The following SUCLG2 variants were observed in gnomAD, a reference collection of about 807,000 sequenced individuals.
The protein encoded by SUCLG2 is succinate-CoA ligase GDP-forming subunit beta, also known as succinate--CoA ligase [GDP-forming] subunit beta, mitochondrial.
In SUCLG2, 42 loss-of-function variants were observed where a neutral mutation model predicts 47.9. The ratio of observed to expected loss-of-function variants is 0.88; its 90% CI spans 0.69 to 1.14. The LOEUF is 1.14. Ranked by LOEUF, SUCLG2 falls within the 50% of genes most tolerant of loss-of-function variation. SUCLG2 has a pLI of 0.00. For missense variants in SUCLG2, 571 were observed against 525.9 expected (o/e 1.09, Z -0.84); for synonymous variants, 195 against 197.3 (o/e 0.99, Z 0.10).
intron 1 of SUCLG2, among the ~76,000 whole-genome samples, chr3:67,618,590 G>A (rs966777344): frequency 2.6e-5 from 4 of 151,958 alleles, no homozygotes; most frequent in Non-Finnish European, 2.9e-5. Context: ...AGGTCCCCCT[G>A]CCTAAAAAAA....
intron 2 of SUCLG2, among the ~76,000 whole-genome samples, chr3:67,598,464 C>T (rs1708343307): frequency 6.6e-6 from 1 of 152,028 alleles, no homozygotes; most frequent in South Asian, 2.1e-4. Flanking sequence ...CAAGTCTGTC[C>T]CAGGCAAACC....
At chr3:67,362,500 G>A (rs1357056188) in intron 10 of SUCLG2, among the ~76,000 whole-genome samples, 1 of 152,138 alleles carries the variant, frequency 6.6e-6, no homozygotes, top group Non-Finnish European at 1.5e-5. Context: ...CTCTGTTAAT[G>A]AATGATAATC....
At chr3:67,389,618 A>C (rs142253650) in intron 10 of SUCLG2, among the ~76,000 whole-genome samples, 406 of 152,284 alleles carry the variant, frequency 2.7e-3, no homozygotes, top group African/African-American at 9.2e-3. Context: ...CTCTATGTCA[A>C]AACATAAATT....
intron 9 of SUCLG2, among the ~76,000 whole-genome samples, chr3:67,475,093 T>C (rs893781104): frequency 2.0e-5 from 3 of 152,104 alleles, no homozygotes; most frequent in African/African-American, 7.2e-5. Flanking sequence ...TTTGTATTAG[T>C]GTCACATAAG....
At chr3:67,370,105 C>A (rs1701933058), downstream of SUCLG2, among the ~76,000 whole-genome samples, 3 of 152,012 alleles carry the variant, frequency 2.0e-5, no homozygotes, top group Admixed American at 1.3e-4. Context: ...AATTCACACG[C>A]AATATTCTGA....
At chr3:67,369,892 C>T (rs1013439879), downstream of SUCLG2, among the ~76,000 whole-genome samples, 5 of 152,190 alleles carry the variant, frequency 3.3e-5, no homozygotes, top group East Asian at 3.9e-4. Context: ...TTAATCTGTA[C>T]TAAAAAACTG....
At chr3:67,573,825 C>A (rs1376187931) in intron 2 of SUCLG2, among the ~76,000 whole-genome samples, 1 of 151,992 alleles carries the variant, frequency 6.6e-6, no homozygotes, top group Admixed American at 6.5e-5. Flanking sequence ...ACTCACCATT[C>A]AAATTGTCTG....
intron 10 of SUCLG2, among the ~76,000 whole-genome samples, chr3:67,364,584 T>C (rs1701851541): frequency 6.6e-6 from 1 of 151,850 alleles, no homozygotes; most frequent in South Asian, 2.1e-4. Context: ...CACCCAGGAG[T>C]GATAAGGAGC....
At chr3:67,440,523 A>C (rs1384947079) in intron 9 of SUCLG2, among the ~76,000 whole-genome samples, 1 of 152,230 alleles carries the variant, frequency 6.6e-6, no homozygotes, top group Non-Finnish European at 1.5e-5. Context: ...AAAGAACTTA[A>C]ATTTACAGGA....
At chr3:67,604,583 C>T (rs1459299402) in intron 2 of SUCLG2, among the ~76,000 whole-genome samples, 1 of 152,096 alleles carries the variant, frequency 6.6e-6, no homozygotes, top group Non-Finnish European at 1.5e-5. Context: ...TGGCGACCAA[C>T]TGAATATAGT....
At chr3:67,482,814 G>T (rs993328090) in intron 9 of SUCLG2, among the ~76,000 whole-genome samples, 4 of 152,174 alleles carry the variant, frequency 2.6e-5, no homozygotes, top group African/African-American at 9.7e-5. Context: ...GTGAAACCTA[G>T]AAGGTCAAGG....
At chr3:67,605,797 T>C (rs1036777748) in intron 2 of SUCLG2, among the ~76,000 whole-genome samples, 3 of 152,168 alleles carry the variant, frequency 2.0e-5, no homozygotes, top group Admixed American at 1.3e-4. Flanking sequence ...CTTGAGAGCA[T>C]ACCTGAAGAA....
At chr3:67,461,751 C>T (rs1165336998) in intron 9 of SUCLG2, among the ~76,000 whole-genome samples, 2 of 152,042 alleles carry the variant, frequency 1.3e-5, no homozygotes, top group Non-Finnish European at 2.9e-5. Context: ...TAGACATTGC[C>T]AAATGTCCCC....
At chr3:67,395,690 C>T (rs1575667804) in intron 10 of SUCLG2, among the ~76,000 whole-genome samples, 1 of 152,286 alleles carries the variant, frequency 6.6e-6, no homozygotes, top group African/African-American at 2.4e-5. Context: ...ATCTACAGAA[C>T]TCTCCACCCC....
chr3:67,552,087 T>C (rs919129088), intron 2 of SUCLG2, among the ~76,000 whole-genome samples: 4 of 148,698 alleles, frequency 2.7e-5, no homozygotes, highest in African/African-American at 1.0e-4. Flanking sequence ...GAACTCCTGA[T>C]GATGGCTTCT....
chr3:67,623,191 G>T (rs902963665), intron 1 of SUCLG2, among the ~76,000 whole-genome samples: 27 of 152,246 alleles, frequency 1.8e-4, no homozygotes, highest in African/African-American at 6.3e-4. Context: ...TCATCTCCAT[G>T]CAAAGTGTTC....
At chr3:67,458,614 G>A (rs1324691980) in intron 9 of SUCLG2, among the ~76,000 whole-genome samples, 1 of 152,118 alleles carries the variant, frequency 6.6e-6, no homozygotes, top group Non-Finnish European at 1.5e-5. Context: ...GGTGCTTATT[G>A]TTTATACAGT....
At chr3:67,504,545 C>T (rs985757681) in intron 7 of SUCLG2, among the ~76,000 whole-genome samples, 1 of 152,160 alleles carries the variant, frequency 6.6e-6, no homozygotes, top group East Asian at 1.9e-4. Context: ...GATGAAGATG[C>T]CCCAAAGCAA....
At chr3:67,504,656 C>CA (rs1369396815) in intron 7 of SUCLG2, among the ~76,000 whole-genome samples, 1 of 152,124 alleles carries the variant, frequency 6.6e-6, no homozygotes, top group Non-Finnish European at 1.5e-5. Flanking sequence ...ACGCCAGTAG[C>CA]ATAGCCTCCA....
Sources: gnomAD v4.1 joint callset for allele counts (sites outside exome capture counted in the v4.1 genomes callset) on GRCh38, gnomAD v4.1.1 for gene constraint, MANE v1.5 for transcripts, NCBI Gene and HGNC (gene_info 2026-07-23, HGNC 2026-07-21) for gene names.